Variants in FBXL18 observed in about 807,000 individuals in gnomAD.
FBXL18 encodes the protein F-box/LRR-repeat protein 18.
FBXL18 carries 36 observed loss-of-function variants against 46.0 expected under a neutral mutation model. That is an observed-to-expected ratio of 0.78 (90% CI 0.60 to 1.03). FBXL18 has a LOEUF of 1.03. FBXL18 is among the 50% of genes least tolerant of loss of function. FBXL18 has a pLI of 0.00. For missense variants in FBXL18, 977 were observed against 1,004.1 expected (o/e 0.97, Z 0.36); for synonymous variants, 557 against 465.3 (o/e 1.20, Z -2.54).
At chr7:5,512,296 TTA>T (rs1491581234) in intron 1 of FBXL18, among the ~76,000 whole-genome samples, 41 of 105,390 alleles carry the variant, frequency 3.9e-4, no homozygotes, top group African/African-American at 8.1e-4. Flanking sequence ...GAAGTGTTAT[TTA>T]AAAAAAAAAA....
intron 4 of FBXL18, among the ~76,000 whole-genome samples, chr7:5,487,599 C>T (rs1783807685): frequency 6.6e-6 from 1 of 152,202 alleles, no homozygotes; most frequent in African/African-American, 2.4e-5. Flanking sequence ...GGGCAGCTCT[C>T]GAAGACTGTT....
At position 5,489,493 on chromosome 7, in the gene FBXL18, G is replaced by C. The variant is rs544682148; in HGVS notation, c.2000+1738C>G. 201 of 347,266 alleles carry C rather than the reference G, an allele frequency of 5.8e-4. 1 individual carries two copies. The highest frequency in any genetic ancestry group is 4.1e-3 in the South Asian group (190 of 46,000). The allele number at this position is 347,266 out of a possible 1,614,324, so 21.5% of individuals were successfully genotyped here. On this transcript the variant is annotated intron_variant, in intron 4 of 4. Transcript: ENST00000382368. ...CTACTAAAAATACAAAAATTAGGCC[G>C]GGCGCGGTGGCTCACGCCTGTAATC...
chr7:5,465,364 G>A (rs1169970469), intron 4 of FBXL18, among the ~76,000 whole-genome samples: 5 of 151,792 alleles, frequency 3.3e-5, no homozygotes, highest in African/African-American at 1.2e-4. Flanking sequence ...CCACACACAG[G>A]TAATTTTTGT....
At chr7:5,475,544 C>G (rs578088546), downstream of FBXL18, among the ~76,000 whole-genome samples, 1 of 152,332 alleles carries the variant, frequency 6.6e-6, no homozygotes, top group African/African-American at 2.4e-5. The surrounding 1 kb of genome is among the most constrained non-coding windows in gnomAD (Gnocchi z 4.2). Flanking sequence ...ACGCAGCCTC[C>G]TCTTTCACCT....
intron 4 of FBXL18, among the ~76,000 whole-genome samples, chr7:5,483,718 TGG>T (rs1783704964): frequency 6.6e-6 from 1 of 151,396 alleles, no homozygotes; most frequent in Admixed American, 6.6e-5. Flanking sequence ...CACTCCAGCC[TGG>T]GCAACAAGAG....
chr7:5,457,401 A>G (rs55657670), intron 4 of FBXL18, among the ~76,000 whole-genome samples: 66,389 of 152,028 alleles, frequency 0.44, 15,750 homozygotes, highest in Non-Finnish European at 0.52. Flanking sequence ...AAGCTGCTGG[A>G]TCAAGCTCGA....
At chr7:5,463,199 G>A (rs965705415) in intron 4 of FBXL18, among the ~76,000 whole-genome samples, 18 of 151,362 alleles carry the variant, frequency 1.2e-4, no homozygotes, top group African/African-American at 4.1e-4. Flanking sequence ...AATATTGCTG[G>A]TGGGAATATA....
chr7:5,495,578 G>A (rs534509799), intron 3 of FBXL18, among the ~76,000 whole-genome samples: 23 of 152,316 alleles, frequency 1.5e-4, no homozygotes, highest in African/African-American at 5.5e-4. Flanking sequence ...GCACAAAGCT[G>A]GGGGTCACGG....
intron 3 of FBXL18, among the ~76,000 whole-genome samples, chr7:5,497,656 G>T (rs537890114): frequency 2.0e-3 from 299 of 152,306 alleles, no homozygotes; most frequent in African/African-American, 6.9e-3. Context: ...TGCGGGAGAG[G>T]GGAGATTTAC....
downstream of FBXL18, among the ~76,000 whole-genome samples, chr7:5,474,650 A>C (rs1333044401): frequency 6.7e-6 from 1 of 149,562 alleles, no homozygotes; most frequent in Non-Finnish European, 1.5e-5. Flanking sequence ...TTTTTTCTTC[A>C]AAAAAATCCT....
rs189262217 is a variant in FBXL18 at position 5,513,782 on chromosome 7, C to G, written c.-108G>C. 4.8e-6 allele frequency: 7 copies of G among 1,447,634 alleles called. No homozygotes were observed. In the African/African-American group the frequency reaches 5.7e-5, roughly 12 times the overall value. The allele number at this position is 1,447,634 out of a possible 1,614,324, so 89.7% of individuals were successfully genotyped here. A position where few individuals can be genotyped will look rare whatever the true frequency, so the allele number is the denominator to read the frequency against. The stretch of plus-strand genomic sequence containing the variant: ...CGCGTCCACCGCTCAACCGAGACCC[C>G]GGCAAGGAGCGGGCTCTCGTCACTT... On this transcript the variant is annotated 5_prime_UTR_variant, in exon 1 of 5. Transcript: ENST00000382368.
In FBXL18 at chr7:5,501,444, C is replaced by G. The variant is rs1784252563; in HGVS notation, c.825G>C (p.Glu275Asp). 6.2e-7 allele frequency: 1 copy of G among 1,612,772 alleles called. No individual in the cohort carries two copies. The highest frequency in any genetic ancestry group is 8.5e-7 in the Non-Finnish European group (1 of 1,179,784). ...CCAGGAGGTTCTTGGTGGCGCCGCTCTCCGCGAAGCTGCCAGGGACGGAGA... is the reference window on the plus strand; with the variant it reads ...CCAGGAGGTTCTTGGTGGCGCCGCTGTCCGCGAAGCTGCCAGGGACGGAGA... The part of the protein sequence containing the change: ...FLISVPGSFA[E>D]SGATKNLLDS... The change falls in exon 3 of 5, where the codon GAG becomes GAC. Residue 275 changes from glutamate (E) to aspartate (D), a missense_variant. Coordinates refer to ENST00000382368, the MANE Select transcript of FBXL18 (RefSeq NM_024963.6).
At chr7:5,461,898 G>A (rs1217784066) in intron 4 of FBXL18, among the ~76,000 whole-genome samples, 1 of 152,040 alleles carries the variant, frequency 6.6e-6, no homozygotes, top group Non-Finnish European at 1.5e-5. Flanking sequence ...CCGAGATCAT[G>A]CCACTGCACT....
rs533224436 is a variant in FBXL18, at chr7:5,505,234, C to G, written c.237+178G>C. Among the ~76,000 whole-genome samples, 4 of 152,212 alleles carry G rather than the reference C, an allele frequency of 2.6e-5. No homozygotes were observed. The East Asian group carries it at 7.7e-4, about 29-fold the overall frequency. ...CCCTCCTCCCCAGGCAGCACACCAC[C>G]CATGCTTTTCTGCCCCTTGCTTCTG... On this transcript the variant is annotated intron_variant, in intron 2 of 4. Coordinates refer to ENST00000382368, the MANE Select transcript of FBXL18 (RefSeq NM_024963.6).
At chr7:5,463,724 A>ATT (rs144459089) in intron 4 of FBXL18, among the ~76,000 whole-genome samples, 92 of 59,622 alleles carry the variant, frequency 1.5e-3, no homozygotes, top group Non-Finnish European at 2.1e-3. Context: ...TTATTTATTT[A>ATT]TTTATTTTTT....
intron 4 of FBXL18, among the ~76,000 whole-genome samples, chr7:5,458,446 T>C (rs563081064): frequency 4.6e-5 from 7 of 152,232 alleles, no homozygotes; most frequent in South Asian, 4.2e-4. Context: ...ATGCCTGTAA[T>C]CCCAGCACTT....
chr7:5,464,365 G>C (rs1783311020), intron 4 of FBXL18, among the ~76,000 whole-genome samples: 1 of 152,080 alleles, frequency 6.6e-6, no homozygotes. Context: ...TGTAATCCCA[G>C]CTATTCGGGA....
intron 1 of FBXL18, 59 bp from the exon 2 acceptor site, chr7:5,505,689 C>T (rs561789606): frequency 8.1e-5 from 117 of 1,445,926 alleles, no homozygotes; most frequent in South Asian, 5.3e-4. Context: ...TCAGCCTAGC[C>T]TGCAGCTAGG....
rs922313966 is a variant in FBXL18 at position 5,468,353 on chromosome 7, A to G, written c.2001-20510T>C. On this transcript the variant is annotated intron_variant and NMD_transcript_variant, in intron 4 of 6. Transcript: ENST00000415009. ...AGGATGGCCTCGATCTCCTGACCTC[A>G]TGATCTGCCCGCCTTGGCCTCCCAA... 6.0e-5 allele frequency among the ~76,000 whole-genome samples: 9 copies of G among 150,884 alleles called. No homozygotes were observed. In the East Asian group the frequency reaches 9.8e-4, roughly 16 times the overall value.
Sources: allele counts gnomAD v4.1 joint callset (sites outside exome capture counted in the v4.1 genomes callset), GRCh38; gene constraint gnomAD v4.1.1; non-coding constraint Gnocchi (gnomAD v3.1); transcripts MANE v1.5; gene names NCBI Gene and HGNC (gene_info 2026-07-23, HGNC 2026-07-21).